Variants in PAPPA observed in about 807,000 individuals in gnomAD.
The protein encoded by PAPPA is pappalysin 1.
Under a neutral mutation model 164.0 loss-of-function variants are expected in PAPPA, and 60 were observed. The ratio of observed to expected loss-of-function variants is 0.37; its 90% CI spans 0.30 to 0.45. PAPPA has a LOEUF of 0.45. Among genes scored for constraint, PAPPA ranks in the 20% least tolerant of loss-of-function variants. The pLI, the probability that PAPPA is intolerant of heterozygous loss-of-function variation, is 1.00. For synonymous variants in PAPPA, 875 were observed against 814.1 expected, an observed-to-expected ratio of 1.07 and a Z score of -1.27; for missense variants, 1,782 against 2,087.3, an observed-to-expected ratio of 0.85 and a Z score of 2.85.
At position 116,353,800 on chromosome 9, in the gene PAPPA, C is replaced by A; in HGVS notation, c.4347+7C>A. ...AGACAGTGATGCCTCCCAGGTAAGCCTCCTGGAACTTGAGATTGATACCAT... is the reference window on the plus strand; with the variant it reads ...AGACAGTGATGCCTCCCAGGTAAGCATCCTGGAACTTGAGATTGATACCAT... On this transcript the variant is annotated splice_region_variant and intron_variant, in intron 17 of 21. Transcript: ENST00000328252. 1 of 1,606,582 alleles carries A rather than the reference C, an allele frequency of 6.2e-7. No homozygotes were observed. The highest frequency in any genetic ancestry group is 8.5e-7 in the Non-Finnish European group (1 of 1,174,892).
Position 116,343,558 on chromosome 9 carries a change from C to G in PAPPA, c.3612-985C>G, listed in dbSNP as rs566197266. Among the ~76,000 whole-genome samples the G allele has an allele frequency of 5.9e-5, 9 of 152,204 alleles. No individual in the cohort carries two copies. The South Asian group carries it at 1.9e-3, about 32-fold the overall frequency. On this transcript the variant is annotated intron_variant, in intron 13 of 21. Coordinates refer to ENST00000328252, the MANE Select transcript of PAPPA (RefSeq NM_002581.5). ...GCAAGACATAGTCTCTGTACAACTCCACTAATGATGTGTAAGTTATCTTAC... is the reference window on the plus strand; with the variant it reads ...GCAAGACATAGTCTCTGTACAACTCGACTAATGATGTGTAAGTTATCTTAC...
At chr9:116,196,586 T>G (rs1053129656) in intron 2 of PAPPA, among the ~76,000 whole-genome samples, 1 of 152,226 alleles carries the variant, frequency 6.6e-6, no homozygotes, top group Non-Finnish European at 1.5e-5. Context: ...TGGGCAGTTT[T>G]CCACCTCCTG....
At chr9:116,353,543 C>T (rs995964913) in intron 16 of PAPPA, 79 bp from the exon 17 acceptor site, 4 of 1,292,922 alleles carry the variant, frequency 3.1e-6, no homozygotes, top group Non-Finnish European at 4.3e-6. Context: ...AATGGGGGCC[C>T]AGCTGGTGGT....
At chr9:116,367,591 G>T in intron 18 of PAPPA, 54 bp from the exon 19 acceptor site, 1 of 1,323,296 alleles carries the variant, frequency 7.6e-7, no homozygotes, top group Non-Finnish European at 1.1e-6. Flanking sequence ...AGGGCAGTTT[G>T]CAGATGTTGA....
intron 7 of PAPPA, among the ~76,000 whole-genome samples, chr9:116,252,755 T>C (rs1300844287): frequency 2.0e-5 from 3 of 152,224 alleles, no homozygotes. Context: ...TCCTGCCATC[T>C]ACTGCTCACT....
intron 5 of PAPPA, among the ~76,000 whole-genome samples, chr9:116,220,999 G>A (rs193160980): frequency 3.3e-5 from 5 of 151,852 alleles, no homozygotes; most frequent in Non-Finnish European, 7.4e-5. Flanking sequence ...ATAAGACCAG[G>A]GAATGATAAA....
chr9:116,380,859 G>A (rs1051717826), intron 20 of PAPPA, among the ~76,000 whole-genome samples: 1 of 152,228 alleles, frequency 6.6e-6, no homozygotes. Flanking sequence ...AGAGGCAAAA[G>A]CCAGGAATGC....
rs958824318 is a variant in PAPPA at position 116,349,831 on chromosome 9, C to T, written c.3964+2622C>T. The stretch of plus-strand genomic sequence containing the variant: ...TAATATCAACACCTCTATGAAGAGA[C>T]GTTACCCTCTACCAGGAACTTCAGG... On this transcript the variant is annotated intron_variant, in intron 15 of 21. Transcript: ENST00000328252. Among the ~76,000 whole-genome samples the T allele has an allele frequency of 5.3e-5, 8 of 152,192 alleles. No individual in the cohort carries two copies. The East Asian group carries it at 5.8e-4, about 11-fold the overall frequency.
rs1843571852 is a variant in PAPPA at position 116,154,304 on chromosome 9, G to A, written c.132G>A (p.Pro44=). ...AGRPPRPAAG[P]ATCATRAARG... ...GACCCCCGCGCCCCGCCGCCGGCCC[G>A]GCCACCTGCGCCACCCGGGCGGCCC... The change falls in exon 1 of 22, where the codon CCG becomes CCA. Residue 44 remains proline, a synonymous_variant. Coordinates refer to ENST00000328252, the MANE Select transcript of PAPPA (RefSeq NM_002581.5). This position sits in a 1 kb window ranked among gnomAD's most constrained non-coding sequence, Gnocchi z 5.2. 4.3e-6 allele frequency: 4 copies of A among 927,510 alleles called. No homozygotes were observed. Among genetic ancestry groups the A allele is most frequent in the Non-Finnish European group, 5.1e-6 (4 of 780,094 alleles). The allele number at this position is 927,510 out of a possible 1,614,324, so 57.5% of individuals were successfully genotyped here.
chr9:116,188,306 A>G, intron 2 of PAPPA, 90 bp downstream of exon 2: 1 of 931,326 alleles, frequency 1.1e-6, no homozygotes, highest in Non-Finnish European at 1.6e-6. Flanking sequence ...CCAGTGGGTG[A>G]TATGGGGATT....
chr9:116,319,795 G>A (rs1012988524), intron 10 of PAPPA, among the ~76,000 whole-genome samples: 1 of 152,172 alleles, frequency 6.6e-6, no homozygotes, highest in African/African-American at 2.4e-5. Context: ...AGCCCAGGCT[G>A]TTTATCTGTA....
chr9:116,385,116 C>A (rs1290384785), intron 21 of PAPPA, among the ~76,000 whole-genome samples: 1 of 151,972 alleles, frequency 6.6e-6, no homozygotes, highest in African/African-American at 2.4e-5. Flanking sequence ...CACCTGTAAT[C>A]CCAGCTGCTT....
At chr9:116,221,431 G>C (rs1844444846) in intron 5 of PAPPA, among the ~76,000 whole-genome samples, 1 of 152,066 alleles carries the variant, frequency 6.6e-6, no homozygotes, top group Non-Finnish European at 1.5e-5. Flanking sequence ...TAGTTGCTGG[G>C]ATCTATCAAG....
chr9:116,172,237 A>C (rs1185950371), intron 1 of PAPPA, among the ~76,000 whole-genome samples: 1 of 152,172 alleles, frequency 6.6e-6, no homozygotes, highest in Non-Finnish European at 1.5e-5. Flanking sequence ...CAATCTTCAG[A>C]GTGCATATTC....
At chr9:116,233,520 C>T (rs1844623081) in intron 6 of PAPPA, among the ~76,000 whole-genome samples, 1 of 152,184 alleles carries the variant, frequency 6.6e-6, no homozygotes, top group Non-Finnish European at 1.5e-5. Flanking sequence ...ATGAATGAAA[C>T]TAGCCAAGGA....
intron 10 of PAPPA, among the ~76,000 whole-genome samples, chr9:116,328,353 A>C (rs1170051918): frequency 6.6e-6 from 1 of 152,220 alleles, no homozygotes; most frequent in East Asian, 1.9e-4. Context: ...TTTTGAGAAA[A>C]ATAAATAAAC....
At chr9:116,373,037 A>G (rs113886853) in intron 19 of PAPPA, among the ~76,000 whole-genome samples, 3,683 of 152,300 alleles carry the variant, frequency 0.024, 149 homozygotes, top group African/African-American at 0.084. Context: ...CAGAGAATGC[A>G]AAATTCAGTT....
chr9:116,344,492 T>C (rs376296771), intron 13 of PAPPA, 51 bp from the exon 14 acceptor site: 2 of 1,570,576 alleles, frequency 1.3e-6, no homozygotes, highest in African/African-American at 2.7e-5. Flanking sequence ...CAACTGAGCA[T>C]AGCTGTCCTG....
rs1554753952 is a variant in PAPPA at position 116,343,741 on chromosome 9, T to TTTTATTCATTTA, written c.3612-796_3612-795insCATTTATTTATT. Among the ~76,000 whole-genome samples the TTTTATTCATTTA allele has an allele frequency of 3.0e-4, 42 of 142,296 alleles. 1 individual carries two copies. The highest frequency in any genetic ancestry group is 1.1e-3 in the African/African-American group (41 of 38,204). 93.4% of individuals were successfully genotyped at this position (142,296 alleles called of 152,430 possible). A position where few individuals can be genotyped will look rare whatever the true frequency, so the allele number is the denominator to read the frequency against. ...ATTTACAACATCAGCTACCACTTAT[T>TTTTATTCATTTA]TTTATTTATTTATTTATTTATTTAT... On this transcript the variant is annotated intron_variant, in intron 13 of 21. Transcript: ENST00000328252.
Sources: allele counts gnomAD v4.1 joint callset (sites outside exome capture counted in the v4.1 genomes callset), GRCh38; gene constraint gnomAD v4.1.1; non-coding constraint Gnocchi (gnomAD v3.1); transcripts MANE v1.5; gene names NCBI Gene and HGNC (gene_info 2026-07-23, HGNC 2026-07-21).